The following EML5 variants were observed in gnomAD, a reference collection of about 807,000 sequenced individuals.
EML5 encodes EMAP like 5.
Under a neutral mutation model 250.0 loss-of-function variants are expected in EML5, and 120 were observed. The observed-to-expected ratio is 0.48, with a 90% CI of 0.41 to 0.56. The LOEUF is 0.56. EML5 is among the 20% of genes least tolerant of loss of function. The pLI is 0.00. For missense variants in EML5, 2,006 were observed against 2,437.6 expected (o/e 0.82, Z 3.73); for synonymous variants, 771 against 806.5 (o/e 0.96, Z 0.75).
intron 8 of EML5, among the ~76,000 whole-genome samples, chr14:88,719,051 C>T (rs145952877): frequency 2.0e-4 from 31 of 152,258 alleles, no homozygotes; most frequent in African/African-American, 7.5e-4. Flanking sequence ...GGTAGTAACA[C>T]TGTCAGAGAG....
chr14:88,699,836 A>G (rs2093166881), intron 14 of EML5, among the ~76,000 whole-genome samples: 1 of 152,172 alleles, frequency 6.6e-6, no homozygotes, highest in South Asian at 2.1e-4. Flanking sequence ...AGGAAACACG[A>G]AACGATGAAC....
intron 1 of EML5, among the ~76,000 whole-genome samples, chr14:88,768,269 T>C (rs1354466720): frequency 6.6e-6 from 1 of 152,210 alleles, no homozygotes; most frequent in East Asian, 1.9e-4. Flanking sequence ...AAAGTTTTTC[T>C]TTGTAGTCAC....
chr14:88,688,973 A>C (rs2092900170), intron 17 of EML5, among the ~76,000 whole-genome samples: 1 of 152,080 alleles, frequency 6.6e-6, no homozygotes, highest in South Asian at 2.1e-4. Context: ...CATGTTTTAA[A>C]TTTTTCTATA....
Position 88,661,722 on chromosome 14 carries a change from T to C in EML5, c.3607A>G (p.Ser1203Gly), listed in dbSNP as rs377612150. Residue 1203 changes from serine (S) to glycine (G), a missense_variant, in exon 25 of 44, where the codon AGT (serine) becomes GGT (glycine). By Grantham distance (56) the Ser-to-Gly change is moderately conservative. Around this residue, in one of 7 missense-constraint regions of EML5, gnomAD observed 1,375 missense variants for 1,590.3 expected, o/e 0.86. Transcript: ENST00000554922. The part of the protein sequence containing the change: ...VTDVTASCLT[S>G]DKMVLATGDD... ...CCGGTAGCTAGAACCATTTTGTCAC[T>C]GGTGAGGCAAGAAGCAGTTACATCT... is the stretch of plus-strand genomic sequence containing the variant. 18 of 1,613,620 alleles carry C rather than the reference T, an allele frequency of 1.1e-5. No individual in the cohort carries two copies. The highest frequency in any genetic ancestry group is 1.3e-5 in the African/African-American group (1 of 74,928).
intron 1 of EML5, among the ~76,000 whole-genome samples, chr14:88,786,754 C>T (rs2094555066): frequency 6.6e-6 from 1 of 152,192 alleles, no homozygotes; most frequent in Non-Finnish European, 1.5e-5. Context: ...TCTCGTGCTG[C>T]CGCCATGTAA....
intron 4 of EML5, among the ~76,000 whole-genome samples, chr14:88,741,853 T>C (rs1380508589): frequency 6.6e-6 from 1 of 152,206 alleles, no homozygotes; most frequent in African/African-American, 2.4e-5. Context: ...TTATCATATA[T>C]TCTTATTTTA....
intron 21 of EML5, among the ~76,000 whole-genome samples, chr14:88,668,212 C>T (rs995698963): frequency 2.0e-5 from 3 of 152,120 alleles, no homozygotes; most frequent in African/African-American, 7.2e-5. Context: ...TTCAAATAAG[C>T]CTTGTAGTCT....
intron 27 of EML5, among the ~76,000 whole-genome samples, chr14:88,654,582 G>A (rs2091789940): frequency 6.6e-6 from 1 of 152,144 alleles, no homozygotes; most frequent in Admixed American, 6.6e-5. Flanking sequence ...CCATGTAGTT[G>A]TATGGTTCAG....
intron 20 of EML5, among the ~76,000 whole-genome samples, chr14:88,682,372 C>T (rs986585910): frequency 1.3e-5 from 2 of 150,982 alleles, no homozygotes; most frequent in Non-Finnish European, 2.9e-5. Context: ...AGGAGCTCCA[C>T]AGACCTGCTC....
intron 1 of EML5, among the ~76,000 whole-genome samples, chr14:88,761,993 T>G (rs2094251493): frequency 1.3e-5 from 2 of 152,244 alleles, no homozygotes; most frequent in African/African-American, 2.4e-5. Context: ...TGTCTTCTTT[T>G]GAGAAGTGTC....
At chr14:88,725,354 C>T (rs374611793) in intron 8 of EML5, among the ~76,000 whole-genome samples, 5 of 151,860 alleles carry the variant, frequency 3.3e-5, no homozygotes, top group African/African-American at 9.7e-5. Context: ...ACTTAAAAAC[C>T]GGTCTCGGAA....
rs747820916 is a variant in EML5, at chr14:88,625,019, A to G, written c.4849T>C (p.Tyr1617His). ...ATAAGTCCATCTCGCAGGGTGGTGT[A>G]CATGGCAAACACAGGCCCGTTGTGA... is the stretch of plus-strand genomic sequence containing the variant. ...RAHNGPVFAM[Y>H]TTLRDGLIVT... The change falls in exon 36 of 44, where the codon TAC becomes CAC. Residue 1617 changes from tyrosine to histidine, a missense_variant. Coordinates refer to ENST00000554922, the MANE Select transcript of EML5 (RefSeq NM_183387.3). 1 of 1,613,788 alleles carries G rather than the reference A, an allele frequency of 6.2e-7. No homozygotes were observed.
intron 29 of EML5, among the ~76,000 whole-genome samples, chr14:88,644,961 C>T (rs1488922355): frequency 6.6e-6 from 1 of 152,050 alleles, no homozygotes; most frequent in Non-Finnish European, 1.5e-5. Flanking sequence ...ATCGGCCCGC[C>T]TGGGCCTCCC....
At chr14:88,632,481 C>T (rs1438719806) in intron 33 of EML5, among the ~76,000 whole-genome samples, 1 of 152,232 alleles carries the variant, frequency 6.6e-6, no homozygotes, top group Non-Finnish European at 1.5e-5. Context: ...CAGCATCCTG[C>T]ATGAGATGAC....
At chr14:88,779,845 T>C (rs925359966) in intron 1 of EML5, among the ~76,000 whole-genome samples, 1 of 152,246 alleles carries the variant, frequency 6.6e-6, no homozygotes, top group Non-Finnish European at 1.5e-5. Flanking sequence ...ATATGATACA[T>C]TGTGAGTTCA....
Position 88,664,570 on chromosome 14 carries a change from T to C in EML5, c.3332A>G (p.Asn1111Ser), listed in dbSNP as rs1185261771. ...ASHDSFIDIY[N>S]VMSSKRVGIC... ...TCCTACTCGTTTACTACTCATTACATTGTATATATCTATAAAGCTGTCATG... is the reference window on the plus strand; with the variant it reads ...TCCTACTCGTTTACTACTCATTACACTGTATATATCTATAAAGCTGTCATG... The change falls in exon 23 of 44, where the codon AAT becomes AGT. Residue 1111 changes from asparagine to serine, a missense_variant. Coordinates refer to ENST00000554922, the MANE Select transcript of EML5 (RefSeq NM_183387.3). The C allele has an allele frequency of 6.2e-7, 1 of 1,611,374 alleles. No homozygotes were observed. Among genetic ancestry groups the C allele is most frequent in the African/African-American group, 1.3e-5 (1 of 75,002 alleles).
At chr14:88,714,664 A>T (rs1227086387) in intron 9 of EML5, among the ~76,000 whole-genome samples, 3 of 152,178 alleles carry the variant, frequency 2.0e-5, no homozygotes, top group African/African-American at 7.2e-5. Context: ...AATTTTCAAT[A>T]TATACAATTT....
intron 2 of EML5, 69 bp downstream of exon 2, chr14:88,754,435 TATTTATAG>T: frequency 7.8e-7 from 1 of 1,285,846 alleles, no homozygotes; most frequent in Non-Finnish European, 1.0e-6. Flanking sequence ...TCCAATTTAA[TATTTATAG>T]ATTTATAATC....
intron 1 of EML5, among the ~76,000 whole-genome samples, chr14:88,783,097 A>AG (rs1353937675): frequency 2.6e-5 from 4 of 152,192 alleles, no homozygotes; most frequent in African/African-American, 9.6e-5. Context: ...AAAGAAAAAA[A>AG]AAGAAGAAAG....
Sources: allele counts gnomAD v4.1 joint callset (sites outside exome capture counted in the v4.1 genomes callset), GRCh38; gene constraint gnomAD v4.1.1; regional missense constraint gnomAD v4.1.1; transcripts MANE v1.5; gene names NCBI Gene and HGNC (gene_info 2026-07-23, HGNC 2026-07-21).